The following CDK14 variants were observed in gnomAD, a reference collection of about 807,000 sequenced individuals.
CDK14 encodes the protein cyclin dependent kinase 14, also known as cyclin-dependent kinase 14.
CDK14 carries 34 observed loss-of-function variants against 60.7 expected under a neutral mutation model. The ratio of observed to expected loss-of-function variants is 0.56; its 90% CI spans 0.43 to 0.75. The LOEUF (loss-of-function observed/expected upper bound fraction) is 0.75. CDK14 is among the 30% of genes least tolerant of loss of function. The probability of loss-of-function intolerance (pLI) is 0.00; values close to 1 mark genes in which losing one functional copy is unlikely to be tolerated. For missense variants in CDK14, 482 were observed against 564.1 expected (o/e 0.85, Z 1.47); for synonymous variants, 197 against 203.7 (o/e 0.97, Z 0.28).
At chr7:90,971,653 TA>T (rs35135401) in intron 9 of CDK14, among the ~76,000 whole-genome samples, 21,615 of 119,390 alleles carry the variant, frequency 0.18, 1,786 homozygotes, top group Non-Finnish European at 0.22. Context: ...ATATACATAG[TA>T]AAAAAAAAAA....
At chr7:90,757,803 A>T (rs1804144388) in intron 4 of CDK14, among the ~76,000 whole-genome samples, 1 of 151,942 alleles carries the variant, frequency 6.6e-6, no homozygotes, top group African/African-American at 2.4e-5. Context: ...GGGTTTTGCC[A>T]TGTTGCCCAG....
intron 2 of CDK14, among the ~76,000 whole-genome samples, chr7:90,684,234 G>A (rs1801384216): frequency 6.6e-6 from 1 of 152,110 alleles, no homozygotes; most frequent in Admixed American, 6.5e-5. Context: ...GACCAAGAAT[G>A]TTCTCCAATC....
intron 12 of CDK14, among the ~76,000 whole-genome samples, chr7:91,111,644 A>G (rs1435320299): frequency 6.6e-6 from 1 of 152,196 alleles, no homozygotes; most frequent in Non-Finnish European, 1.5e-5. Context: ...CCACTACAAA[A>G]TAGCAATTGT....
intron 2 of CDK14, chr7:90,709,696 A>C: frequency 6.6e-7 from 1 of 1,521,746 alleles, no homozygotes; most frequent in Non-Finnish European, 8.9e-7. Flanking sequence ...GAATGTTAGC[A>C]TGTCCTTTGA....
intron 3 of CDK14, among the ~76,000 whole-genome samples, chr7:90,746,927 G>A (rs184658447): frequency 6.6e-6 from 1 of 152,224 alleles, no homozygotes; most frequent in African/African-American, 2.4e-5. Flanking sequence ...TCACTAAAAG[G>A]TATCAGAAGA....
At chr7:91,050,423 T>C (rs1797358046) in intron 11 of CDK14, among the ~76,000 whole-genome samples, 1 of 152,300 alleles carries the variant, frequency 6.6e-6, no homozygotes, top group African/African-American at 2.4e-5. Flanking sequence ...AAAAAAAATA[T>C]ATAACAAAAA....
At chr7:91,176,641 C>T (rs1315456093) in intron 14 of CDK14, among the ~76,000 whole-genome samples, 1 of 152,044 alleles carries the variant, frequency 6.6e-6, no homozygotes, top group African/African-American at 2.4e-5. Context: ...CCACCGATCC[C>T]ACAGAAATAC....
At chr7:90,656,526 C>T (rs949150487) in intron 2 of CDK14, among the ~76,000 whole-genome samples, 16 of 151,906 alleles carry the variant, frequency 1.1e-4, no homozygotes, top group Admixed American at 8.5e-4. Context: ...ACTACAGGCA[C>T]GTGCCACCAT....
chr7:90,765,817 G>A (rs1321006442), intron 4 of CDK14, among the ~76,000 whole-genome samples: 1 of 152,126 alleles, frequency 6.6e-6, no homozygotes, highest in Non-Finnish European at 1.5e-5. Context: ...AATCGAGTAT[G>A]TATATAGACT....
rs58582287 is a variant in CDK14 at position 90,659,837 on chromosome 7, T to TTCTCTCTCTCTCTCTCTC, written c.123+55610_123+55627dup. ...ATGGAATCCTGGAGCCAGGGAATGC[T>TTCTCTCTCTCTCTCTCTC]TCTCTCTCTCTCTCTCTCTCTCTCT... On this transcript the variant is annotated intron_variant, in intron 2 of 14. Transcript: ENST00000380050. 1.5e-3 allele frequency among the ~76,000 whole-genome samples: 165 copies of TTCTCTCTCTCTCTCTCTC among 110,334 alleles called. 1 individual carries two copies. Among genetic ancestry groups the TTCTCTCTCTCTCTCTCTC allele is most frequent in the East Asian group, 4.1e-3 (11 of 2,716 alleles). The allele number at this position is 110,334 out of a possible 152,430, so 72.4% of individuals were successfully genotyped here.
At chr7:90,893,929 T>C (rs1299361228) in intron 6 of CDK14, among the ~76,000 whole-genome samples, 1 of 152,162 alleles carries the variant, frequency 6.6e-6, no homozygotes, top group Non-Finnish European at 1.5e-5. Flanking sequence ...AGTGGTGGCA[T>C]GGGAATGGGA....
chr7:90,873,220 A>C (rs1338537484), intron 6 of CDK14, among the ~76,000 whole-genome samples: 3 of 152,176 alleles, frequency 2.0e-5, no homozygotes, highest in Non-Finnish European at 2.9e-5. Context: ...CAGCTAAGGT[A>C]CAAAAGTTGC....
chr7:90,822,534 C>A (rs547691197), intron 5 of CDK14, among the ~76,000 whole-genome samples: 1 of 152,082 alleles, frequency 6.6e-6, no homozygotes, highest in South Asian at 2.1e-4. Context: ...TGTCCTGATG[C>A]CCAGTGCTGT....
intron 14 of CDK14, among the ~76,000 whole-genome samples, chr7:91,202,989 C>T (rs1342023291): frequency 6.6e-6 from 1 of 152,190 alleles, no homozygotes; most frequent in African/African-American, 2.4e-5. Flanking sequence ...CAAACATCAT[C>T]GATGTCTAAA....
At chr7:90,874,749 C>T (rs994307175) in intron 6 of CDK14, among the ~76,000 whole-genome samples, 2 of 150,324 alleles carry the variant, frequency 1.3e-5, no homozygotes, top group African/African-American at 2.4e-5. Flanking sequence ...AGGATGGTCT[C>T]GATCTCCTGA....
chr7:91,056,001 T>C (rs555285915), intron 11 of CDK14, among the ~76,000 whole-genome samples: 57 of 152,338 alleles, frequency 3.7e-4, no homozygotes, highest in African/African-American at 1.3e-3. Context: ...ACTAGGAATC[T>C]ATGCATTGTA....
chr7:91,002,131 CAT>C (rs1323381267), intron 10 of CDK14, among the ~76,000 whole-genome samples: 6 of 152,100 alleles, frequency 3.9e-5, no homozygotes, highest in Non-Finnish European at 7.4e-5. Context: ...AAATAAAAAA[CAT>C]ATTAGTGTAA....
At chr7:91,046,101 G>A (rs1797224644) in intron 11 of CDK14, 141 bp downstream of exon 11, 2 of 605,804 alleles carry the variant, frequency 3.3e-6, no homozygotes, top group Admixed American at 5.5e-5. Context: ...TAATGGAATT[G>A]TCCTTTTATT....
chr7:90,778,520 G>A (rs1055117873), intron 4 of CDK14, among the ~76,000 whole-genome samples: 4 of 152,184 alleles, frequency 2.6e-5, no homozygotes, highest in African/African-American at 9.7e-5. Context: ...CGAGTGAGCT[G>A]CAGACACAGA....
Sources: gnomAD v4.1 joint callset for allele counts (sites outside exome capture counted in the v4.1 genomes callset) on GRCh38, gnomAD v4.1.1 for gene constraint, MANE v1.5 for transcripts, NCBI Gene and HGNC (gene_info 2026-07-23, HGNC 2026-07-21) for gene names.